The following IKBKB variants were observed in gnomAD, a reference collection of about 807,000 sequenced individuals.
IKBKB encodes the protein inhibitor of nuclear factor kappa B kinase subunit beta.
Under a neutral mutation model 113.6 loss-of-function variants are expected in IKBKB, and 42 were observed. The observed-to-expected ratio is 0.37, with a 90% CI of 0.29 to 0.48. The LOEUF (loss-of-function observed/expected upper bound fraction) is 0.48, where lower values mean the gene tolerates loss of function less well. Among genes scored for constraint, IKBKB ranks in the 20% least tolerant of loss-of-function variants. The pLI, the probability that IKBKB is intolerant of heterozygous loss-of-function variation, is 0.99. For synonymous variants in IKBKB, 296 were observed against 361.3 expected, an observed-to-expected ratio of 0.82 and a Z score of 2.05; for missense variants, 673 against 939.7, an observed-to-expected ratio of 0.72 and a Z score of 3.71.
Position 42,325,979 on chromosome 8 carries a change from C to A in IKBKB, c.1996C>A (p.Arg666Ser). Residue 666 changes from arginine to serine, a missense_variant, in exon 20 of 22, where the codon CGT (arginine) becomes AGT (serine). By Grantham distance (110) the Arg-to-Ser change is moderately radical. Transcript: ENST00000520810. ...TGATTTTGTCCCCTAGAGCAAGGTCCGTGGTCCTGTCAGTGGAAGCCCGGA... is the reference window on the plus strand; with the variant it reads ...TGATTTTGTCCCCTAGAGCAAGGTCAGTGGTCCTGTCAGTGGAAGCCCGGA... Reference protein sequence around the residue: ...NLLKIACSKVRGPVSGSPDSM... With the variant: ...NLLKIACSKVSGPVSGSPDSM... 6.2e-7 allele frequency: 1 copy of A among 1,614,176 alleles called. No individual in the cohort carries two copies. Among genetic ancestry groups the A allele is most frequent in the Non-Finnish European group, 8.5e-7 (1 of 1,180,020 alleles).
Position 42,316,926 on chromosome 8 carries a change from A to G in IKBKB, c.1125+22A>G. ...CAAGGTGAGCCCTGGCTTCGTACAC[A>G]CCATCCTGTTTACCTTGGCTGTGCC... On this transcript the variant is annotated intron_variant, in intron 11 of 21. Coordinates refer to ENST00000520810, the MANE Select transcript of IKBKB (RefSeq NM_001556.3). This position sits in a 1 kb window ranked among gnomAD's most constrained non-coding sequence, Gnocchi z 4.5. 1 of 1,609,208 alleles carries G rather than the reference A, an allele frequency of 6.2e-7. No individual in the cohort carries two copies. Among genetic ancestry groups the G allele is most frequent in the Non-Finnish European group, 8.5e-7 (1 of 1,176,498 alleles).
At chr8:42,277,865 G>A (rs1234710807) in intron 2 of IKBKB, among the ~76,000 whole-genome samples, 1 of 152,226 alleles carries the variant, frequency 6.6e-6, no homozygotes, top group Non-Finnish European at 1.5e-5. Context: ...GCAAGTGCCT[G>A]ACGTTGTATA....
At chr8:42,318,318 A>G (rs12334451) in intron 12 of IKBKB, among the ~76,000 whole-genome samples, 1 of 152,118 alleles carries the variant, frequency 6.6e-6, no homozygotes, top group Non-Finnish European at 1.5e-5. Flanking sequence ...ATATGTGTCC[A>G]ATGGTTCGTA....
intron 2 of IKBKB, among the ~76,000 whole-genome samples, chr8:42,273,652 C>T (rs559022485): frequency 1.3e-5 from 2 of 151,858 alleles, no homozygotes; most frequent in South Asian, 2.1e-4. Context: ...GCAGTCTTCC[C>T]GTCTTTGCCT....
intron 1 of IKBKB, 68 bp downstream of exon 1, chr8:42,271,537 C>CAG: frequency 1.7e-6 from 1 of 596,110 alleles, no homozygotes; most frequent in Non-Finnish European, 2.9e-6. Flanking sequence ...GCCTGCAAGG[C>CAG]CCGGAAGACC....
intron 2 of IKBKB, among the ~76,000 whole-genome samples, chr8:42,285,544 G>C (rs767133732): frequency 1.7e-4 from 26 of 152,216 alleles, no homozygotes; most frequent in African/African-American, 3.1e-4. Flanking sequence ...AACAGAGTGA[G>C]ACCCTGTCTC....
At position 42,329,183 on chromosome 8, in the gene IKBKB, A is replaced by G; in HGVS notation, c.2174A>G (p.Asp725Gly). ...LCTLLENAIQ[D>G]TVREQDQSFT... ...ACCCTGCTAGAAAATGCCATACAGG[A>G]CACTGTGAGGGAACAAGACCAGAGT... The change falls in exon 21 of 22, where the codon GAC becomes GGC. Residue 725 changes from aspartate to glycine, a missense_variant. Asp to Gly is a moderately conservative substitution (Grantham distance 94). Around this residue, in one of 2 missense-constraint regions of IKBKB, gnomAD observed 506 missense variants for 638.7 expected, o/e 0.79. Transcript: ENST00000520810. The G allele has an allele frequency of 6.2e-7, 1 of 1,603,190 alleles. No homozygotes were observed. The highest frequency in any genetic ancestry group is 8.5e-7 in the Non-Finnish European group (1 of 1,176,308).
chr8:42,320,762 C>G lies in IKBKB; in HGVS notation c.1606C>G (p.Arg536Gly), dbSNP rs140485496. The G allele has an allele frequency of 1.9e-6, 3 of 1,612,462 alleles. No individual in the cohort carries two copies. The highest frequency in any genetic ancestry group is 2.5e-6 in the Non-Finnish European group (3 of 1,179,204). ...RENEVKLLVERMMALQTDIVD... is the reference protein window; with the variant it reads ...RENEVKLLVEGMMALQTDIVD... The stretch of plus-strand genomic sequence containing the variant: ...GAACGAAGTGAAACTCCTGGTAGAA[C>G]GGATGATGGCTCTGCAGACCGACAT... The change falls in exon 16 of 22, where the codon CGG becomes GGG. Residue 536 changes from arginine to glycine, a missense_variant. Arg to Gly is a moderately radical substitution (Grantham distance 125). Around this residue, in one of 2 missense-constraint regions of IKBKB, gnomAD observed 506 missense variants for 638.7 expected, o/e 0.79. Transcript: ENST00000520810.
At position 42,319,457 on chromosome 8, in the gene IKBKB, AT is replaced by A. The variant is rs762486960; in HGVS notation, c.1516+45del. ...ACTTTGCAATGAGTTTAAAGACACC[AT>A]TTTTTTTTCTTTTTCTCTTTCTAAG... On this transcript the variant is annotated intron_variant, in intron 14 of 21. Coordinates refer to ENST00000520810, the MANE Select transcript of IKBKB (RefSeq NM_001556.3). 48 of 1,601,054 alleles carry A rather than the reference AT, an allele frequency of 3.0e-5. No homozygotes were observed. In the Admixed American group the frequency reaches 3.4e-4, roughly 11 times the overall value.
At chr8:42,278,537 A>C (rs1407697078) in intron 2 of IKBKB, among the ~76,000 whole-genome samples, 1 of 152,138 alleles carries the variant, frequency 6.6e-6, no homozygotes, top group Non-Finnish European at 1.5e-5. Flanking sequence ...ACTTCAAGCC[A>C]CCAGTAGTTT....
At chr8:42,301,902 T>TG (rs1815293261) in intron 5 of IKBKB, among the ~76,000 whole-genome samples, 1 of 152,214 alleles carries the variant, frequency 6.6e-6, no homozygotes, top group South Asian at 2.1e-4. Flanking sequence ...CCTCCAGCTC[T>TG]GGGGGCCTTG....
chr8:42,316,217 G>A lies in IKBKB; in HGVS notation c.808G>A (p.Ala270Thr). The change falls in exon 10 of 22, where the codon GCT becomes ACT. Residue 270 changes from alanine to threonine, a missense_variant. By Grantham distance (58) the Ala-to-Thr change is moderately conservative (BLOSUM62 0). Transcript: ENST00000520810. The surrounding 1 kb of genome is among the most constrained non-coding windows in gnomAD (Gnocchi z 4.5). Reference sequence around the variant, plus strand: ...CTATGCTCCTCTCCACAGTGTCCTGGCTGAGCGACTGGAGAAGTGGCTGCA... The same window carrying A: ...CTATGCTCCTCTCCACAGTGTCCTGACTGAGCGACTGGAGAAGTGGCTGCA... ...PYPNNLNSVL[A>T]ERLEKWLQLM... 6.2e-7 allele frequency: 1 copy of A among 1,614,054 alleles called. No individual in the cohort carries two copies. Among genetic ancestry groups the A allele is most frequent in the South Asian group, 1.1e-5 (1 of 91,080 alleles).
chr8:42,293,545 C>T (rs201171057), intron 5 of IKBKB, 33 bp downstream of exon 5: 13 of 1,613,984 alleles, frequency 8.1e-6, no homozygotes, highest in South Asian at 1.1e-5. Context: ...AGGCCGTGTC[C>T]TTCAGGGAGA....
intron 2 of IKBKB, among the ~76,000 whole-genome samples, chr8:42,275,708 T>A (rs151082594): frequency 6.6e-6 from 1 of 152,350 alleles, no homozygotes; most frequent in African/African-American, 2.4e-5. Flanking sequence ...TTAGGTTGAT[T>A]ACATATTTTG....
intron 2 of IKBKB, among the ~76,000 whole-genome samples, chr8:42,286,292 T>G (rs1240426007): frequency 2.0e-5 from 3 of 152,166 alleles, no homozygotes; most frequent in Non-Finnish European, 2.9e-5. Flanking sequence ...GGTTTATTGG[T>G]CAGTGACTCA....
Position 42,290,286 on chromosome 8 carries a change from C to T in IKBKB, c.318+13C>T, listed in dbSNP as rs200451212. On this transcript the variant is annotated intron_variant, in intron 4 of 21. Coordinates refer to ENST00000520810, the MANE Select transcript of IKBKB (RefSeq NM_001556.3). ...AGATCTCCGGAAGGTGAGGCTCCCA[C>T]GGCTGCCAGGTGCACAGCCTGTCTG... is the stretch of plus-strand genomic sequence containing the variant. 1.2e-5 allele frequency: 19 copies of T among 1,573,356 alleles called. No homozygotes were observed. The highest frequency in any genetic ancestry group is 5.6e-5 in the South Asian group (5 of 90,012).
chr8:42,293,648 GGGACCCTGGT>G, intron 5 of IKBKB, 136 bp downstream of exon 5: 1 of 1,489,540 alleles, frequency 6.7e-7, no homozygotes, highest in Non-Finnish European at 9.1e-7. Context: ...CCAGGGACGG[GGGACCCTGGT>G]GGAGTAGGGA....
chr8:42,309,007 A>G lies in IKBKB; in HGVS notation c.674A>G (p.Asn225Ser), dbSNP rs200288567. The G allele has an allele frequency of 1.2e-5, 19 of 1,614,008 alleles. No individual in the cohort carries two copies. The African/African-American group carries it at 1.3e-4, about 11-fold the overall frequency. The stretch of plus-strand genomic sequence containing the variant: ...ACGGGCTTCCGGCCCTTCCTCCCCA[A>G]CTGGCAGCCCGTGCAGTGGTGAGTG... The part of the protein sequence containing the change: ...CITGFRPFLP[N>S]WQPVQWHSKV... The change falls in exon 8 of 22, where the codon AAC becomes AGC. Residue 225 changes from asparagine to serine, a missense_variant. Asn to Ser is a conservative substitution (Grantham distance 46). Coordinates refer to ENST00000520810, the MANE Select transcript of IKBKB (RefSeq NM_001556.3).
At chr8:42,315,309 G>T (rs1240528051) in intron 9 of IKBKB, among the ~76,000 whole-genome samples, 1 of 152,190 alleles carries the variant, frequency 6.6e-6, no homozygotes, top group Non-Finnish European at 1.5e-5. Context: ...ATGATTGGAT[G>T]GATTAGTGCT....
Sources: gnomAD v4.1 joint callset for allele counts (sites outside exome capture counted in the v4.1 genomes callset) on GRCh38, gnomAD v4.1.1 for gene constraint, gnomAD v4.1.1 regional missense constraint, Gnocchi (gnomAD v3.1) non-coding constraint, MANE v1.5 for transcripts, NCBI Gene and HGNC (gene_info 2026-07-23, HGNC 2026-07-21) for gene names.